Variants in CPAMD8 observed in about 807,000 individuals in gnomAD.
The protein encoded by CPAMD8 is C3 and PZP-like alpha-2-macroglobulin domain-containing protein 8.
In CPAMD8, 146 loss-of-function variants were observed where a neutral mutation model predicts 224.7. That is an observed-to-expected ratio of 0.65 (90% confidence interval 0.57 to 0.75). The LOEUF is 0.75. Among genes scored for constraint, CPAMD8 ranks in the 30% least tolerant of loss-of-function variants. The pLI is 0.00. For missense variants in CPAMD8, 2,301 were observed against 2,537.5 expected, an observed-to-expected ratio of 0.91 and a Z score of 2.00; for synonymous variants, 966 against 1,044.6, an observed-to-expected ratio of 0.92 and a Z score of 1.45.
intron 22 of CPAMD8, 32 bp downstream of exon 22, chr19:16,945,517 G>C (rs759315177): frequency 4.6e-5 from 74 of 1,605,888 alleles, no homozygotes; most frequent in Non-Finnish European, 6.2e-5. Context: ...TGAGGCCCTG[G>C]CTAAGCACCA....
intron 35 of CPAMD8, among the ~76,000 whole-genome samples, chr19:16,902,424 G>A (rs1018623206): frequency 6.6e-6 from 1 of 152,158 alleles, no homozygotes; most frequent in Non-Finnish European, 1.5e-5. Context: ...GGCTGAGACA[G>A]GAGAACCATT....
chr19:16,938,267 C>G, intron 23 of CPAMD8, 128 bp downstream of exon 23: 1 of 551,004 alleles, frequency 1.8e-6, no homozygotes, highest in Non-Finnish European at 3.2e-6. Context: ...ACAGTGCCCC[C>G]TTCCCAGGGG....
Position 16,896,321 on chromosome 19 carries a change from G to T in CPAMD8, c.5281C>A (p.Arg1761=). The T allele has an allele frequency of 1.2e-6, 2 of 1,606,152 alleles. No individual in the cohort carries two copies. The highest frequency in any genetic ancestry group is 1.7e-6 in the Non-Finnish European group (2 of 1,176,564). Residue 1761 remains arginine (R), a synonymous_variant, in exon 41 of 42, where the codon CGG becomes AGG. Coordinates refer to ENST00000443236, the MANE Select transcript of CPAMD8 (RefSeq NM_015692.5). Reference sequence around the variant, plus strand: ...GTGGAGGACGACGAGGCCGGCAGCCGCTGCTCTGGAAGGAAGGGGGCCTCG... The same window carrying T: ...GTGGAGGACGACGAGGCCGGCAGCCTCTGCTCTGGAAGGAAGGGGGCCTCG... ...APPSCCALEQ[R]LPASSSSTYG...
At chr19:16,957,776 C>T in intron 19 of CPAMD8, 77 bp downstream of exon 19, 1 of 1,402,034 alleles carries the variant, frequency 7.1e-7, no homozygotes, top group Non-Finnish European at 1.0e-6. Context: ...GCCCATCTCA[C>T]CGGAGGCTCT....
At chr19:16,917,395 T>G (rs972289736) in intron 27 of CPAMD8, among the ~76,000 whole-genome samples, 13 of 151,900 alleles carry the variant, frequency 8.6e-5, no homozygotes, top group Non-Finnish European at 1.9e-4. Context: ...GGTGTAGAGG[T>G]GTATGGGAAC....
At chr19:16,974,783 G>A (rs1445719691) in intron 17 of CPAMD8, among the ~76,000 whole-genome samples, 3 of 151,986 alleles carry the variant, frequency 2.0e-5, no homozygotes, top group African/African-American at 4.8e-5. Context: ...CCAGGGCCAC[G>A]TAGCAAGACC....
chr19:16,947,910 A>G (rs989702028), intron 20 of CPAMD8, among the ~76,000 whole-genome samples: 1 of 152,198 alleles, frequency 6.6e-6, no homozygotes, highest in African/African-American at 2.4e-5. Flanking sequence ...GGATGCACCC[A>G]TGGGACTCCA....
chr19:16,944,193 TG>T (rs2053996507), intron 22 of CPAMD8, among the ~76,000 whole-genome samples: 1 of 152,144 alleles, frequency 6.6e-6, no homozygotes, highest in African/African-American at 2.4e-5. Flanking sequence ...AGTCCTCCGG[TG>T]GGAAGAGGTA....
Position 16,989,753 on chromosome 19 carries a change from T to C in CPAMD8, c.1285A>G (p.Asn429Asp). ...TACTGAGCCCCCACAGGCTTCCCGT[T>C]CAGTGCCATCACCTTGGTCTGAGAA... ...VWLETKVMALNGKPVGAQYLP... is the reference protein window; with the variant it reads ...VWLETKVMALDGKPVGAQYLP... Residue 429 changes from asparagine (N) to aspartate (D), a missense_variant, in exon 13 of 42, where the codon AAC becomes GAC. By Grantham distance (23) the Asn-to-Asp change is conservative. Coordinates refer to ENST00000443236, the MANE Select transcript of CPAMD8 (RefSeq NM_015692.5). The C allele has an allele frequency of 2.5e-6, 4 of 1,614,022 alleles. No individual in the cohort carries two copies. The highest frequency in any genetic ancestry group is 3.4e-6 in the Non-Finnish European group (4 of 1,179,936).
Position 16,896,639 on chromosome 19 carries a change from C to T in CPAMD8, c.5092G>A (p.Ala1698Thr). The T allele has an allele frequency of 1.3e-6, 2 of 1,483,100 alleles. No individual in the cohort carries two copies. Among genetic ancestry groups the T allele is most frequent in the Non-Finnish European group, 1.8e-6 (2 of 1,120,536 alleles). 91.9% of individuals were successfully genotyped at this position (1,483,100 alleles called of 1,614,324 possible). A position where few individuals can be genotyped will look rare whatever the true frequency, so the allele number is the denominator to read the frequency against. ...PGWFPGESGPAVAPEEGAAIA... is the reference protein window; with the variant it reads ...PGWFPGESGPTVAPEEGAAIA... ...GCCGCCCCCTCCTCAGGGGCCACGG[C>T]AGGGCCCGACTCGCCGGGGAACCAG... is the stretch of plus-strand genomic sequence containing the variant. The change falls in exon 40 of 42, where the codon GCC (alanine) becomes ACC (threonine). Residue 1698 changes from alanine (A) to threonine (T), a missense_variant. Ala to Thr is a moderately conservative substitution (Grantham distance 58). Coordinates refer to ENST00000443236, the MANE Select transcript of CPAMD8 (RefSeq NM_015692.5).
At chr19:16,962,478 G>T (rs2054689494) in intron 18 of CPAMD8, among the ~76,000 whole-genome samples, 2 of 152,156 alleles carry the variant, frequency 1.3e-5, no homozygotes, top group Non-Finnish European at 2.9e-5. Flanking sequence ...AAAGCAAAAA[G>T]ACAAGGTTAG....
At chr19:16,903,237 T>A (rs1599659093) in intron 34 of CPAMD8, among the ~76,000 whole-genome samples, 1 of 151,876 alleles carries the variant, frequency 6.6e-6, no homozygotes, top group African/African-American at 2.4e-5. Flanking sequence ...GACATGCACC[T>A]GCCCCAGCCT....
intron 27 of CPAMD8, among the ~76,000 whole-genome samples, chr19:16,920,719 G>A (rs1218247872): frequency 1.3e-5 from 2 of 151,980 alleles, no homozygotes; most frequent in African/African-American, 2.4e-5. Flanking sequence ...AGCTGGGCAT[G>A]ATGGTGCACA....
At chr19:16,967,894 T>TGTATATATGCGCATATATACACACACAC (rs1568540084) in intron 18 of CPAMD8, among the ~76,000 whole-genome samples, 2 of 17,236 alleles carry the variant, frequency 1.2e-4, no homozygotes, top group African/African-American at 1.5e-4. Flanking sequence ...CACACACATG[T>TGTATATATGCGCATATATACACACACAC]GTGTGTATAT....
chr19:16,937,249 C>T (rs1161840552), intron 23 of CPAMD8, among the ~76,000 whole-genome samples: 1 of 152,008 alleles, frequency 6.6e-6, no homozygotes, highest in Non-Finnish European at 1.5e-5. Context: ...ATCCTCCCAC[C>T]TCCACCTCCC....
intron 1 of CPAMD8, among the ~76,000 whole-genome samples, chr19:17,025,689 G>A (rs1035414801): frequency 6.6e-6 from 1 of 152,184 alleles, no homozygotes; most frequent in Non-Finnish European, 1.5e-5. Context: ...CCAGGGCTGA[G>A]AACCACTATT....
At chr19:16,920,791 G>T (rs1406195545) in intron 27 of CPAMD8, among the ~76,000 whole-genome samples, 1 of 150,992 alleles carries the variant, frequency 6.6e-6, no homozygotes, top group Admixed American at 6.6e-5. Flanking sequence ...AGGAGATGGA[G>T]GTTGCAGTGA....
chr19:16,932,561 C>A (rs753627206), intron 23 of CPAMD8, among the ~76,000 whole-genome samples: 2 of 146,180 alleles, frequency 1.4e-5, no homozygotes, highest in Non-Finnish European at 2.9e-5. Context: ...AAATGAAATA[C>A]AAAATAGGAA....
In CPAMD8 at chr19:17,004,323, A is replaced by T; in HGVS notation, c.623T>A (p.Val208Asp). ...GTTGTACGCGTGGCCTTGCATTTCAACAAAAATGAACCATTCTCCCAACAC... is the reference window on the plus strand; with the variant it reads ...GTTGTACGCGTGGCCTTGCATTTCATCAAAAATGAACCATTCTCCCAACAC... ...QPVLGEWFIF[V>D]EMQGHAYNKS... is the part of the protein sequence containing the mutation. Residue 208 changes from valine (V) to aspartate (D), a missense_variant, in exon 8 of 42, where the codon GTT becomes GAT. Around this residue, in one of 4 missense-constraint regions of CPAMD8, gnomAD observed 283 missense variants for 340.6 expected, o/e 0.83. Transcript: ENST00000443236. The T allele has an allele frequency of 6.2e-7, 1 of 1,613,824 alleles. No individual in the cohort carries two copies. The highest frequency in any genetic ancestry group is 8.5e-7 in the Non-Finnish European group (1 of 1,179,718).
Sources: allele counts gnomAD v4.1 joint callset (sites outside exome capture counted in the v4.1 genomes callset), GRCh38; gene constraint gnomAD v4.1.1; regional missense constraint gnomAD v4.1.1; transcripts MANE v1.5; gene names NCBI Gene and HGNC (gene_info 2026-07-23, HGNC 2026-07-21).